Variants in ADAM12 observed in about 807,000 individuals in gnomAD.
ADAM12 encodes the protein ADAM metallopeptidase domain 12.
Under a neutral mutation model 106.4 loss-of-function variants are expected in ADAM12, and 70 were observed. The observed-to-expected ratio is 0.66, with a 90% CI of 0.54 to 0.80. The LOEUF (loss-of-function observed/expected upper bound fraction) is 0.80. ADAM12 is among the 30% of genes least tolerant of loss of function. ADAM12 has a pLI of 0.00. For synonymous variants in ADAM12, 420 were observed against 433.5 expected, an observed-to-expected ratio of 0.97 and a Z score of 0.39; for missense variants, 1,010 against 1,171.9, an observed-to-expected ratio of 0.86 and a Z score of 2.02.
At chr10:126,364,776 G>C (rs1855855272) in intron 1 of ADAM12, among the ~76,000 whole-genome samples, 1 of 151,976 alleles carries the variant, frequency 6.6e-6, no homozygotes, top group South Asian at 2.1e-4. Flanking sequence ...AAAAATAAGG[G>C]GGGAAATTAA....
chr10:126,279,046 C>A, intron 2 of ADAM12, 58 bp from the exon 3 acceptor site: 1 of 1,311,032 alleles, frequency 7.6e-7, no homozygotes, highest in South Asian at 1.2e-5. Context: ...TTGCAAATAG[C>A]TGAATAAGAC....
At chr10:126,083,991 C>G (rs1401422212) in intron 11 of ADAM12, among the ~76,000 whole-genome samples, 1 of 152,192 alleles carries the variant, frequency 6.6e-6, no homozygotes, top group Admixed American at 6.5e-5. Flanking sequence ...AGAAAACCAC[C>G]AGGCCAGGAG....
intron 4 of ADAM12, among the ~76,000 whole-genome samples, chr10:126,141,550 C>T (rs1454078488): frequency 6.6e-6 from 1 of 152,190 alleles, no homozygotes; most frequent in Non-Finnish European, 1.5e-5. Flanking sequence ...AACAACTTTT[C>T]CTTCTGTTTA....
At chr10:126,324,927 C>T (rs1380362577) in intron 2 of ADAM12, among the ~76,000 whole-genome samples, 4 of 151,754 alleles carry the variant, frequency 2.6e-5, no homozygotes, top group African/African-American at 4.8e-5. Flanking sequence ...CCTGATACAG[C>T]GGTTCACACA....
At chr10:126,174,147 G>A (rs1023893074) in intron 3 of ADAM12, among the ~76,000 whole-genome samples, 10 of 149,928 alleles carry the variant, frequency 6.7e-5, no homozygotes, top group East Asian at 3.9e-4. Flanking sequence ...TAGCTGGGAC[G>A]ATATTTTATT....
At chr10:126,033,695 T>G (rs1183656700) in intron 21 of ADAM12, among the ~76,000 whole-genome samples, 2 of 141,530 alleles carry the variant, frequency 1.4e-5, no homozygotes, top group African/African-American at 2.5e-5. Flanking sequence ...GACTGGCAGA[T>G]CTCTACTTTC....
intron 3 of ADAM12, among the ~76,000 whole-genome samples, chr10:126,271,901 C>T (rs1371188617): frequency 6.6e-6 from 1 of 152,226 alleles, no homozygotes; most frequent in Non-Finnish European, 1.5e-5. Context: ...CTGGCTTCCT[C>T]TGTCTCTCTC....
At position 126,017,045 on chromosome 10, in the gene ADAM12, C is replaced by A; in HGVS notation, c.*234G>T. ...TCAGTGATGGTAAAAATGCCTACTACAGCGCACTGCACTGTAATCAACATT... is the reference window on the plus strand; with the variant it reads ...TCAGTGATGGTAAAAATGCCTACTAAAGCGCACTGCACTGTAATCAACATT... On this transcript the variant is annotated 3_prime_UTR_variant, in exon 23 of 23. Coordinates refer to ENST00000448723, the MANE Select transcript of ADAM12 (RefSeq NM_001288973.2). The A allele has an allele frequency of 4.8e-6, 2 of 419,754 alleles. No homozygotes were observed. The highest frequency in any genetic ancestry group is 3.7e-5 in the East Asian group (1 of 26,956). 26.0% of individuals were successfully genotyped at this position (419,754 alleles called of 1,614,324 possible). A position where few individuals can be genotyped will look rare whatever the true frequency, so the allele number is the denominator to read the frequency against.
chr10:126,065,208 G>T (rs887759147), intron 13 of ADAM12, among the ~76,000 whole-genome samples: 3 of 152,176 alleles, frequency 2.0e-5, no homozygotes, highest in African/African-American at 7.2e-5. Context: ...AAGTGGGTGG[G>T]ACAACCAAGA....
chr10:126,286,894 C>G (rs778596003), intron 2 of ADAM12, among the ~76,000 whole-genome samples: 48 of 152,164 alleles, frequency 3.2e-4, no homozygotes, highest in Admixed American at 1.6e-3. Context: ...GTTTATAATG[C>G]AGTTGGAAGT....
At chr10:126,278,687 T>C (rs921793292) in intron 3 of ADAM12, among the ~76,000 whole-genome samples, 1 of 152,152 alleles carries the variant, frequency 6.6e-6, no homozygotes, top group Non-Finnish European at 1.5e-5. Context: ...ACATCAGAAC[T>C]ATGAAAAAAT....
At chr10:126,203,937 CGCGT>C (rs991588981) in intron 3 of ADAM12, among the ~76,000 whole-genome samples, 8 of 93,214 alleles carry the variant, frequency 8.6e-5, no homozygotes, top group South Asian at 6.5e-4. Context: ...TGCGCGCGCG[CGCGT>C]GTGTGTGTGT....
rs1395895387 is a variant in ADAM12 at position 126,017,230 on chromosome 10, A to AAGAT, written c.*45_*48dup. The AAGAT allele has an allele frequency of 7.4e-6, 11 of 1,492,202 alleles. No homozygotes were observed. Among genetic ancestry groups the AAGAT allele is most frequent in the East Asian group, 2.4e-5 (1 of 42,064 alleles). 92.4% of individuals were successfully genotyped at this position (1,492,202 alleles called of 1,614,324 possible). On this transcript the variant is annotated 3_prime_UTR_variant, in exon 23 of 23. Transcript: ENST00000448723. ...TACAAAAAACTCCAACTGGAGCTGA[A>AAGAT]AGATAGTGCAAACTTCTGTCTTCAC...
intron 1 of ADAM12, among the ~76,000 whole-genome samples, chr10:126,354,648 G>T (rs1855476247): frequency 6.6e-6 from 1 of 152,040 alleles, no homozygotes; most frequent in South Asian, 2.1e-4. Flanking sequence ...AATGAGAAAA[G>T]ATAATGTTTA....
chr10:126,364,045 A>G (rs1855826595), intron 1 of ADAM12, among the ~76,000 whole-genome samples: 1 of 152,148 alleles, frequency 6.6e-6, no homozygotes, highest in African/African-American at 2.4e-5. Flanking sequence ...GTCAATTAAT[A>G]TTTTTATCAG....
intron 8 of ADAM12, among the ~76,000 whole-genome samples, chr10:126,105,378 C>T (rs1055110946): frequency 4.6e-5 from 7 of 152,114 alleles, no homozygotes; most frequent in South Asian, 2.1e-4. Context: ...CTTTTGCTCC[C>T]GAGGTCTAAG....
chr10:126,051,508 T>TCTAGCCAG (rs1954487076), intron 14 of ADAM12, among the ~76,000 whole-genome samples: 2 of 133,274 alleles, frequency 1.5e-5, no homozygotes, highest in Admixed American at 1.5e-4. Flanking sequence ...CACCCGTCCA[T>TCTAGCCAG]CCATCCATCC....
At chr10:126,050,415 T>A (rs180876125) in intron 14 of ADAM12, among the ~76,000 whole-genome samples, 1 of 152,198 alleles carries the variant, frequency 6.6e-6, no homozygotes, top group Non-Finnish European at 1.5e-5. Flanking sequence ...CTGGACATAG[T>A]GATGTCTGTT....
chr10:126,329,634 A>G (rs1854430478), intron 2 of ADAM12, among the ~76,000 whole-genome samples: 1 of 152,224 alleles, frequency 6.6e-6, no homozygotes, highest in East Asian at 1.9e-4. Flanking sequence ...AGCTCCCTAG[A>G]TGGAAATCAC....
Sources: allele counts gnomAD v4.1 joint callset (sites outside exome capture counted in the v4.1 genomes callset), GRCh38; gene constraint gnomAD v4.1.1; transcripts MANE v1.5; gene names NCBI Gene and HGNC (gene_info 2026-07-23, HGNC 2026-07-21).